Variants in MYPN observed in about 807,000 individuals in gnomAD.
MYPN encodes the protein sarcomeric protein myopalladin, 145 kDa (MYOP).
A neutral mutation model predicts 129.4 loss-of-function variants in MYPN; 63 were observed. That is an observed-to-expected ratio of 0.49 (90% CI 0.40 to 0.60). The LOEUF (loss-of-function observed/expected upper bound fraction) is 0.60, where lower values mean the gene tolerates loss of function less well. Ranked by LOEUF, MYPN falls within the 20% of genes least tolerant of loss-of-function variation. The pLI is 0.00. For synonymous variants in MYPN, 629 were observed against 600.9 expected (o/e 1.05, Z -0.68); for missense variants, 1,596 against 1,635.4 (o/e 0.98, Z 0.42).
rs753388438 is a variant in MYPN at position 68,199,476 on chromosome 10, C to T, written c.3394C>T (p.Leu1132Phe). The T allele has an allele frequency of 5.0e-6, 8 of 1,614,068 alleles. No individual in the cohort carries two copies. In the African/African-American group the frequency reaches 5.3e-5, roughly 11 times the overall value. Reference sequence around the variant, plus strand: ...CAGGGAGACCGGAGTCCACTCTCTGCTCATTGACCCACTCACTCAGCGCGA... The same window carrying T: ...CAGGGAGACCGGAGTCCACTCTCTGTTCATTGACCCACTCACTCAGCGCGA... The part of the protein sequence containing the change: ...LVRETGVHSL[L>F]IDPLTQRDAG... Residue 1132 changes from leucine (L) to phenylalanine (F), a missense_variant, in exon 17 of 20, where the codon CTC becomes TTC. Transcript: ENST00000358913.
At chr10:68,144,830 T>A (rs2042635336) in intron 3 of MYPN, among the ~76,000 whole-genome samples, 1 of 152,134 alleles carries the variant, frequency 6.6e-6, no homozygotes, top group South Asian at 2.1e-4. Context: ...CACCAGAGAA[T>A]GTCTGCAAAT....
intron 13 of MYPN, among the ~76,000 whole-genome samples, chr10:68,193,610 A>G (rs2043552107): frequency 6.6e-6 from 1 of 152,146 alleles, no homozygotes; most frequent in African/African-American, 2.4e-5. Context: ...TACACCCAGC[A>G]TGTTTGTGGC....
At chr10:68,156,684 G>A (rs10997957) in intron 6 of MYPN, among the ~76,000 whole-genome samples, 61,948 of 152,040 alleles carry the variant, frequency 0.41, 14,512 homozygotes, top group Non-Finnish European at 0.53. Flanking sequence ...TATTAAGTAC[G>A]ATAGGACCAA....
intron 2 of MYPN, chr10:68,136,791 A>C (rs2042493920): frequency 6.8e-7 from 1 of 1,480,800 alleles, no homozygotes; most frequent in South Asian, 1.2e-5. Flanking sequence ...TGTATAATGG[A>C]AAGTATTAGT....
Position 68,210,661 on chromosome 10 carries a change from A to G in MYPN, c.*206A>G. On this transcript the variant is annotated 3_prime_UTR_variant, in exon 20 of 20. Transcript: ENST00000358913. ...TAGGGCTGTGCCTTCTAAAGATTCC[A>G]ACAGAGATGTGAGAAGATAATACAG... 1 of 681,072 alleles carries G rather than the reference A, an allele frequency of 1.5e-6. No homozygotes were observed. The highest frequency in any genetic ancestry group is 2.7e-6 in the Non-Finnish European group (1 of 373,986). 42.2% of individuals were successfully genotyped at this position (681,072 alleles called of 1,614,324 possible).
At chr10:68,153,927 T>C (rs576784783) in intron 6 of MYPN, among the ~76,000 whole-genome samples, 1 of 152,160 alleles carries the variant, frequency 6.6e-6, no homozygotes, top group African/African-American at 2.4e-5. Flanking sequence ...AGCCAGTTTT[T>C]TTTTTTTTTA....
intron 18 of MYPN, among the ~76,000 whole-genome samples, chr10:68,202,713 A>G (rs1173475428): frequency 1.3e-5 from 2 of 152,204 alleles, no homozygotes; most frequent in Non-Finnish European, 2.9e-5. Flanking sequence ...TTTATACCAC[A>G]AGGGGACAAG....
intron 2 of MYPN, among the ~76,000 whole-genome samples, chr10:68,130,225 C>T (rs1349094202): frequency 1.3e-5 from 2 of 152,006 alleles, no homozygotes; most frequent in Non-Finnish European, 2.9e-5. Context: ...TTTGGGAGGC[C>T]GAGGCAGGCG....
At chr10:68,108,231 TTCA>T (rs2042035876), upstream of MYPN, among the ~76,000 whole-genome samples, 2 of 152,372 alleles carry the variant, frequency 1.3e-5, no homozygotes, top group East Asian at 3.9e-4. Context: ...AAAAGTGTTC[TTCA>T]TCTTTTTTTG....
intron 7 of MYPN, among the ~76,000 whole-genome samples, chr10:68,160,811 G>A: frequency 6.6e-6 from 1 of 152,194 alleles, no homozygotes; most frequent in East Asian, 1.9e-4. Flanking sequence ...CAGCTACGCA[G>A]GAGCCTGAGG....
intron 18 of MYPN, among the ~76,000 whole-genome samples, chr10:68,203,603 AG>A (rs1235930645): frequency 2.0e-5 from 3 of 151,988 alleles, no homozygotes; most frequent in Admixed American, 6.6e-5. Context: ...AAAAAAGAAT[AG>A]GATATTTTGA....
intron 12 of MYPN, among the ~76,000 whole-genome samples, chr10:68,177,217 C>G (rs1361244811): frequency 6.6e-6 from 1 of 152,138 alleles, no homozygotes; most frequent in African/African-American, 2.4e-5. Flanking sequence ...TGCCATAAAC[C>G]CAGTAGAAAT....
intron 1 of MYPN, among the ~76,000 whole-genome samples, chr10:68,089,373 G>C (rs564010119): frequency 1.3e-5 from 2 of 151,752 alleles, no homozygotes; most frequent in Non-Finnish European, 2.9e-5. Flanking sequence ...TTTGAGACTC[G>C]CTCTGTCGCC....
At position 68,174,338 on chromosome 10, in the gene MYPN, G is replaced by A. The variant is rs780085391; in HGVS notation, c.2246G>A (p.Ser749Asn). The A allele has an allele frequency of 2.5e-5, 40 of 1,614,092 alleles. No homozygotes were observed. Among genetic ancestry groups the A allele is most frequent in the Middle Eastern group, 1.6e-4 (1 of 6,062 alleles). Residue 749 changes from serine (S) to asparagine (N), a missense_variant, in exon 11 of 20, where the codon AGC (serine) becomes AAC (asparagine). Physicochemically the swap from Ser to Asn is conservative, Grantham distance 46. Coordinates refer to ENST00000358913, the MANE Select transcript of MYPN (RefSeq NM_032578.4). ...AGCTCTCCGGTGTTCACTTTGAGCA[G>A]CACTCCTCAAACTATTCAGAGGACA... ...PSSSPVFTLS[S>N]TPQTIQRTVS...
intron 7 of MYPN, among the ~76,000 whole-genome samples, chr10:68,161,527 A>AG (rs1469784003): frequency 6.6e-6 from 1 of 152,038 alleles, no homozygotes; most frequent in East Asian, 1.9e-4. Flanking sequence ...AAAAAAAAAA[A>AG]AAAAGTTTTT....
upstream of MYPN, among the ~76,000 whole-genome samples, chr10:68,101,188 TA>T (rs1291415332): frequency 2.0e-5 from 3 of 152,146 alleles, no homozygotes; most frequent in East Asian, 5.8e-4. Context: ...CATAAATACG[TA>T]AAAAAAGACC....
At chr10:68,106,225 G>T (rs1215333592), upstream of MYPN, 1 of 449,174 alleles carries the variant, frequency 2.2e-6, no homozygotes, top group Admixed American at 2.4e-5. Flanking sequence ...TTTAAAGTGG[G>T]TGTTCTGTTT....
At chr10:68,142,518 T>C (rs2042593515) in intron 2 of MYPN, among the ~76,000 whole-genome samples, 1 of 152,218 alleles carries the variant, frequency 6.6e-6, no homozygotes, top group African/African-American at 2.4e-5. Flanking sequence ...CAGATAAAAC[T>C]TAATAGAAAG....
At chr10:68,089,698 G>A (rs1236353449) in intron 1 of MYPN, among the ~76,000 whole-genome samples, 1 of 152,136 alleles carries the variant, frequency 6.6e-6, no homozygotes, top group African/African-American at 2.4e-5. Context: ...GAGAAGAGAA[G>A]CCTCTTTTGT....
Sources: gnomAD v4.1 joint callset for allele counts (sites outside exome capture counted in the v4.1 genomes callset) on GRCh38, gnomAD v4.1.1 for gene constraint, MANE v1.5 for transcripts, NCBI Gene and HGNC (gene_info 2026-07-23, HGNC 2026-07-21) for gene names.